Variants in OSBP2 observed in about 807,000 individuals in gnomAD.
OSBP2 encodes the protein oxysterol binding protein 2.
In OSBP2, 66 loss-of-function variants were observed where a neutral mutation model predicts 96.0. The ratio of observed to expected loss-of-function variants is 0.69; its 90% CI spans 0.56 to 0.84. The LOEUF is 0.84. OSBP2 is among the 40% of genes least tolerant of loss of function. OSBP2 has a pLI of 0.00. For synonymous variants in OSBP2, 525 were observed against 520.9 expected (o/e 1.01, Z -0.11); for missense variants, 1,038 against 1,222.7 (o/e 0.85, Z 2.25).
intron 4 of OSBP2, among the ~76,000 whole-genome samples, chr22:30,887,897 C>A (rs900052924): frequency 6.6e-6 from 1 of 152,232 alleles, no homozygotes; most frequent in East Asian, 1.9e-4. Context: ...TGGCCACCCA[C>A]CTAGCCTTGG....
chr22:30,780,700 G>T (rs2090506640), intron 2 of OSBP2, among the ~76,000 whole-genome samples: 1 of 152,028 alleles, frequency 6.6e-6, no homozygotes, highest in Non-Finnish European at 1.5e-5. Flanking sequence ...GTTTTGCCAT[G>T]CTGGCCAGGC....
chr22:30,866,303 G>C (rs1335953541), intron 2 of OSBP2, among the ~76,000 whole-genome samples: 1 of 152,206 alleles, frequency 6.6e-6, no homozygotes, highest in Non-Finnish European at 1.5e-5. Context: ...GGAGGAAGGG[G>C]CTATGAGTGA....
upstream of OSBP2, chr22:30,694,356 C>A (rs1189121628): frequency 1.3e-6 from 2 of 1,530,370 alleles, no homozygotes; most frequent in Admixed American, 2.2e-5. Context: ...TAATGGCTGC[C>A]ATGGGGGGCG....
chr22:30,698,392 G>A (rs2089090223), intron 1 of OSBP2, among the ~76,000 whole-genome samples: 2 of 151,754 alleles, frequency 1.3e-5, no homozygotes, highest in South Asian at 4.2e-4. Flanking sequence ...CATTTCTCTT[G>A]CTGGCTTCTC....
In OSBP2 at chr22:30,870,651, T is replaced by G. The variant is rs771382561; in HGVS notation, c.1076T>G (p.Leu359Arg). 2 of 1,613,726 alleles carry G rather than the reference T, an allele frequency of 1.2e-6. No individual in the cohort carries two copies. The highest frequency in any genetic ancestry group is 1.7e-6 in the Non-Finnish European group (2 of 1,179,992). ...KLKVVNERAT[L>R]FRITSNAMIN... ...AAGGTGGTGAATGAGCGGGCCACCCTCTTCCGCATCACATCCAATGCTATG... is the reference window on the plus strand; with the variant it reads ...AAGGTGGTGAATGAGCGGGCCACCCGCTTCCGCATCACATCCAATGCTATG... Residue 359 changes from leucine to arginine, a missense_variant, in exon 3 of 14, where the codon CTC (leucine) becomes CGC (arginine). Transcript: ENST00000332585. This position sits in a 1 kb window ranked among gnomAD's most constrained non-coding sequence, Gnocchi z 4.1.
intron 2 of OSBP2, among the ~76,000 whole-genome samples, chr22:30,849,846 C>T (rs559411218): frequency 6.6e-6 from 1 of 152,244 alleles, no homozygotes; most frequent in Non-Finnish European, 1.5e-5. Context: ...ATAGTTTTAA[C>T]CTTTACATCT....
intron 2 of OSBP2, among the ~76,000 whole-genome samples, chr22:30,778,303 G>GCACACACACACACACACA (rs34574171): frequency 8.2e-5 from 12 of 146,528 alleles, no homozygotes; most frequent in African/African-American, 2.3e-4. Context: ...GTGTGCATGT[G>GCACACACACACACACACA]CACACACACA....
intron 2 of OSBP2, among the ~76,000 whole-genome samples, chr22:30,854,127 T>G (rs2039032165): frequency 6.6e-6 from 1 of 152,060 alleles, no homozygotes; most frequent in African/African-American, 2.4e-5. Context: ...GCAGTCTCCT[T>G]CCAAATAATT....
intron 2 of OSBP2, among the ~76,000 whole-genome samples, chr22:30,858,879 C>CAATAATAATAATAATAATAATAATAAT (rs137975802): frequency 6.4e-4 from 91 of 141,426 alleles, no homozygotes; most frequent in Non-Finnish European, 6.1e-4. Flanking sequence ...GACTCTGTCT[C>CAATAATAATAATAATAATAATAATAAT]AATAATAATA....
chr22:30,827,644 G>T (rs1033722692), intron 2 of OSBP2, among the ~76,000 whole-genome samples: 6 of 152,178 alleles, frequency 3.9e-5, no homozygotes. Flanking sequence ...CAGGAAGAAC[G>T]GTTTCAAGGA....
intron 1 of OSBP2, among the ~76,000 whole-genome samples, chr22:30,716,043 T>G (rs1342027282): frequency 2.4e-4 from 13 of 54,772 alleles, no homozygotes; most frequent in Non-Finnish European, 3.1e-4. Context: ...TTTCTTTCTT[T>G]CTTTTTTTTT....
At chr22:30,821,475 A>T (rs1292089487) in intron 2 of OSBP2, among the ~76,000 whole-genome samples, 2 of 152,136 alleles carry the variant, frequency 1.3e-5, no homozygotes, top group African/African-American at 4.8e-5. Flanking sequence ...GATCTAAGAG[A>T]CGGAGAAGTC....
intron 2 of OSBP2, among the ~76,000 whole-genome samples, chr22:30,822,873 C>T (rs931965111): frequency 1.3e-5 from 2 of 152,182 alleles, no homozygotes; most frequent in Non-Finnish European, 2.9e-5. Flanking sequence ...CCCCGCACCC[C>T]GCCGGCGTGC....
chr22:30,888,073 G>A (rs574609597), intron 4 of OSBP2, 150 bp from the exon 5 acceptor site: 8 of 659,764 alleles, frequency 1.2e-5, no homozygotes, highest in East Asian at 7.6e-5. Flanking sequence ...AAGGGTGGCC[G>A]CAGCCCAGGG....
At chr22:30,712,599 T>A (rs2089371119) in intron 1 of OSBP2, among the ~76,000 whole-genome samples, 1 of 152,156 alleles carries the variant, frequency 6.6e-6, no homozygotes, top group South Asian at 2.1e-4. Flanking sequence ...TGGATCTACT[T>A]CATCACACTT....
chr22:30,888,089 G>A, intron 4 of OSBP2, 134 bp from the exon 5 acceptor site: 2 of 687,510 alleles, frequency 2.9e-6, no homozygotes, highest in Non-Finnish European at 5.2e-6. Context: ...CAGGGAATCA[G>A]GGCTGCCCAG....
intron 2 of OSBP2, chr22:30,770,763 C>G (rs1175221368): frequency 6.6e-6 from 1 of 152,652 alleles, no homozygotes; most frequent in Non-Finnish European, 1.5e-5. Context: ...CCTCTGTAGC[C>G]TGGTTTCTTT....
intron 1 of OSBP2, among the ~76,000 whole-genome samples, chr22:30,704,256 A>G (rs1390210418): frequency 6.6e-6 from 1 of 152,234 alleles, no homozygotes; most frequent in Non-Finnish European, 1.5e-5. Context: ...CAATGAAAGG[A>G]TGCAAAGAAA....
chr22:30,693,829 T>C (rs116428241), upstream of OSBP2: 3 of 467,564 alleles, frequency 6.4e-6, no homozygotes, highest in Non-Finnish European at 1.2e-5. Flanking sequence ...TAGCTGGGCA[T>C]GGTGCGGGCC....
Sources: gnomAD v4.1 joint callset for allele counts (sites outside exome capture counted in the v4.1 genomes callset) on GRCh38, gnomAD v4.1.1 for gene constraint, Gnocchi (gnomAD v3.1) non-coding constraint, MANE v1.5 for transcripts, NCBI Gene and HGNC (gene_info 2026-07-23, HGNC 2026-07-21) for gene names.